NFE2L3: variants seen among roughly 807,000 people sequenced by gnomAD.
NFE2L3 encodes nuclear factor erythroid 2-related factor 3.
Under a neutral mutation model 23.5 loss-of-function variants are expected in NFE2L3, and 18 were observed. That is an observed-to-expected ratio of 0.77 (90% CI 0.53 to 1.13). NFE2L3 has a LOEUF of 1.13. NFE2L3 is among the 50% of genes most tolerant of loss of function. The probability of loss-of-function intolerance (pLI) is 0.00; values close to 1 mark genes in which losing one functional copy is unlikely to be tolerated. For synonymous variants in NFE2L3, 424 were observed against 354.5 expected (o/e 1.20, Z -2.20); for missense variants, 1,152 against 877.2 (o/e 1.31, Z -3.96).
At chr7:26,179,846 G>A (rs560381344) in intron 2 of NFE2L3, among the ~76,000 whole-genome samples, 44 of 152,228 alleles carry the variant, frequency 2.9e-4, no homozygotes, top group African/African-American at 6.0e-4. Flanking sequence ...TCTTGACCAC[G>A]CGATACATTT....
At chr7:26,172,190 T>C (rs1447882439) in intron 1 of NFE2L3, among the ~76,000 whole-genome samples, 1 of 152,268 alleles carries the variant, frequency 6.6e-6, no homozygotes, top group Non-Finnish European at 1.5e-5. Context: ...GAAAATTTAA[T>C]GGGAGAAATT....
At position 26,185,242 on chromosome 7, in the gene NFE2L3, C is replaced by T. The variant is rs551161001; in HGVS notation, c.1544C>T (p.Pro515Leu). 1.1e-5 allele frequency: 17 copies of T among 1,614,018 alleles called. No homozygotes were observed. Among genetic ancestry groups the T allele is most frequent in the Admixed American group, 1.7e-5 (1 of 60,018 alleles). ...CCAGAATCTACTTCTGAACCTTTTC[C>T]GTGGCCTGGGAAGTCACAGAAGATA... ...TAPESTSEPF[P>L]WPGKSQKIRS... Residue 515 changes from proline to leucine, a missense_variant, in exon 4 of 4, where the codon CCG becomes CTG. Coordinates refer to ENST00000056233, the MANE Select transcript of NFE2L3 (RefSeq NM_004289.7).
chr7:26,173,959 T>A (rs1005502049), intron 1 of NFE2L3: 11 of 152,104 alleles, frequency 7.2e-5, no homozygotes, highest in African/African-American at 2.7e-4. Flanking sequence ...TTTGATGTAG[T>A]TTTTTATATA....
At chr7:26,168,851 A>G (rs1426404789) in intron 1 of NFE2L3, among the ~76,000 whole-genome samples, 3 of 152,148 alleles carry the variant, frequency 2.0e-5, no homozygotes, top group African/African-American at 4.8e-5. Context: ...GTGTTCCTGA[A>G]GGGGCCGTTT....
intron 2 of NFE2L3, among the ~76,000 whole-genome samples, chr7:26,179,472 C>T (rs915525057): frequency 5.3e-5 from 8 of 149,668 alleles, no homozygotes; most frequent in African/African-American, 1.5e-4. Flanking sequence ...TGCACTCCAA[C>T]CTGGGCAACA....
chr7:26,178,136 A>G lies in NFE2L3; in HGVS notation c.750+14A>G, dbSNP rs1784447306. 1.9e-6 allele frequency: 3 copies of G among 1,605,766 alleles called. No homozygotes were observed. The highest frequency in any genetic ancestry group is 2.5e-6 in the Non-Finnish European group (3 of 1,176,544). ...TCTAGAAATGAGGTAAGCCTGTCAG[A>G]ATATTCAAGCCTTGCCGTTTTGGTT... On this transcript the variant is annotated intron_variant, in intron 2 of 3. Coordinates refer to ENST00000056233, the MANE Select transcript of NFE2L3 (RefSeq NM_004289.7).
chr7:26,162,553 T>A (rs1221954455), intron 1 of NFE2L3, among the ~76,000 whole-genome samples: 2 of 152,088 alleles, frequency 1.3e-5, no homozygotes, highest in Non-Finnish European at 2.9e-5. Flanking sequence ...TGGGATAATT[T>A]AACACTAAAT....
rs982173225 is a variant in NFE2L3 at position 26,186,923 on chromosome 7, A to G, written c.*1140A>G. On this transcript the variant is annotated 3_prime_UTR_variant, in exon 4 of 4. Transcript: ENST00000056233. The stretch of plus-strand genomic sequence containing the variant: ...TTTGAAGACAGCAATGACCTCACCT[A>G]GATGACTCAAGTTTGGGGAACATCA... 2.6e-4 allele frequency: 39 copies of G among 152,250 alleles called. No individual in the cohort carries two copies. Among genetic ancestry groups the G allele is most frequent in the African/African-American group, 9.2e-4 (38 of 41,460 alleles). 9.4% of individuals were successfully genotyped at this position (152,250 alleles called of 1,614,324 possible).
chr7:26,183,790 TG>T lies in NFE2L3; in HGVS notation c.834+8del, dbSNP rs1782397189. 1 of 1,601,502 alleles carries T rather than the reference TG, an allele frequency of 6.2e-7. No individual in the cohort carries two copies. The highest frequency in any genetic ancestry group is 8.6e-7 in the Non-Finnish European group (1 of 1,168,374). ...AGCCTGAAAATTCACTGGAGGTAATTGGAACTTTGGCTTTTATCCTCGCAGG... is the reference window on the plus strand; with the variant it reads ...AGCCTGAAAATTCACTGGAGGTAATTGAACTTTGGCTTTTATCCTCGCAGG... On this transcript the variant is annotated splice_region_variant and intron_variant, in intron 3 of 3. Transcript: ENST00000056233.
At position 26,185,566 on chromosome 7, in the gene NFE2L3, AG is replaced by A; in HGVS notation, c.1869del (p.Glu623AspfsTer11). ...LQAKKETLKR[E>X]QAQCNKAINI... Reference sequence around the variant, plus strand: ...GCAAAGAAGGAAACTCTTAAGAGAGAGCAAGCACAATGTAACAAAGCTATTA... The same window carrying A: ...GCAAAGAAGGAAACTCTTAAGAGAGACAAGCACAATGTAACAAAGCTATTA... On this transcript the variant is annotated frameshift_variant, in exon 4 of 4. Transcript: ENST00000056233. LOFTEE classifies it low-confidence loss of function (END_TRUNC). 1 of 1,613,800 alleles carries A rather than the reference AG, an allele frequency of 6.2e-7. No individual in the cohort carries two copies. Among genetic ancestry groups the A allele is most frequent in the Non-Finnish European group, 8.5e-7 (1 of 1,179,766 alleles).
intron 1 of NFE2L3, among the ~76,000 whole-genome samples, chr7:26,162,941 G>A (rs1472692244): frequency 1.3e-5 from 2 of 151,982 alleles, no homozygotes; most frequent in Non-Finnish European, 2.9e-5. Context: ...CAAACTCCTG[G>A]GCTCAAATGA....
intron 1 of NFE2L3, chr7:26,174,473 T>A (rs916541173): frequency 6.6e-6 from 1 of 151,036 alleles, no homozygotes; most frequent in East Asian, 1.9e-4. Context: ...GAGGGGAGAG[T>A]AGCAGGAGCA....
At chr7:26,161,574 A>G (rs1307561692) in intron 1 of NFE2L3, among the ~76,000 whole-genome samples, 1 of 151,696 alleles carries the variant, frequency 6.6e-6, no homozygotes, top group African/African-American at 2.4e-5. Context: ...CTCCTCCCCC[A>G]GGGCTCCTCA....
chr7:26,169,823 C>T (rs1302008020), intron 1 of NFE2L3, among the ~76,000 whole-genome samples: 2 of 152,232 alleles, frequency 1.3e-5, no homozygotes, highest in Non-Finnish European at 2.9e-5. Flanking sequence ...AGTGGCCGGG[C>T]GCGGTGGCTC....
rs368901225 is a variant in NFE2L3 at position 26,185,436 on chromosome 7, C to T, written c.1738C>T (p.Arg580Cys). The change falls in exon 4 of 4, where the codon CGT becomes TGT. Residue 580 changes from arginine (R) to cysteine (C), a missense_variant. Transcript: ENST00000056233. ...YLTDLQVSLI[R>C]DIRRRGKNKV... ...GACAGACCTACAAGTCTCACTTATC[C>T]GTGACATCAGACGAAGAGGGAAAAA... The T allele has an allele frequency of 2.5e-5, 41 of 1,614,044 alleles. No individual in the cohort carries two copies. The highest frequency in any genetic ancestry group is 1.8e-4 in the East Asian group (8 of 44,878).
chr7:26,177,594 AAAGGAGGG>A (rs966291276), intron 1 of NFE2L3, among the ~76,000 whole-genome samples: 4 of 152,184 alleles, frequency 2.6e-5, no homozygotes, highest in Non-Finnish European at 5.9e-5. Context: ...GAGACCGTCG[AAAGGAGGG>A]AAGGAGGGAG....
intron 1 of NFE2L3, among the ~76,000 whole-genome samples, chr7:26,155,601 G>A (rs1044596627): frequency 2.6e-5 from 4 of 152,150 alleles, no homozygotes; most frequent in African/African-American, 9.7e-5. Flanking sequence ...AAGCTCTTGG[G>A]ACATCTAGGA....
At position 26,184,589 on chromosome 7, in the gene NFE2L3, T is replaced by A; in HGVS notation, c.891T>A (p.Ser297=). The part of the protein sequence containing the change: ...LPGSISDGMN[S]SAHYHVNFSQ... ...GCAGTATCAGTGATGGCATGAATTC[T>A]TCAGCACATTATCATGTAAACTTCA... The change falls in exon 4 of 4, where the codon TCT becomes TCA. Residue 297 remains serine, a synonymous_variant. Transcript: ENST00000056233. 1 of 1,613,896 alleles carries A rather than the reference T, an allele frequency of 6.2e-7. No individual in the cohort carries two copies. The highest frequency in any genetic ancestry group is 8.5e-7 in the Non-Finnish European group (1 of 1,179,784).
rs1360734092 is a variant in NFE2L3, at chr7:26,152,352, G to T, written c.-147G>T. ...GTGCCCGGTGCTGGGAACCCGCGAC[G>T]GCCGCCACGCGCCCCGGTCCATTGT... On this transcript the variant is annotated 5_prime_UTR_variant, in exon 1 of 4. Coordinates refer to ENST00000056233, the MANE Select transcript of NFE2L3 (RefSeq NM_004289.7). The surrounding 1 kb of genome is among the most constrained non-coding windows in gnomAD (Gnocchi z 4.4). 8.7e-6 allele frequency: 4 copies of T among 459,872 alleles called. No homozygotes were observed. Among genetic ancestry groups the T allele is most frequent in the African/African-American group, 4.1e-5 (2 of 48,300 alleles). The allele number at this position is 459,872 out of a possible 1,614,324, so 28.5% of individuals were successfully genotyped here.
Sources: allele counts gnomAD v4.1 joint callset (sites outside exome capture counted in the v4.1 genomes callset), GRCh38; gene constraint gnomAD v4.1.1; non-coding constraint Gnocchi (gnomAD v3.1); transcripts MANE v1.5; gene names NCBI Gene and HGNC (gene_info 2026-07-23, HGNC 2026-07-21).